FAP: variants seen among roughly 807,000 people sequenced by gnomAD.
The protein encoded by FAP is prolyl endopeptidase FAP.
FAP carries 110 observed loss-of-function variants against 126.5 expected under a neutral mutation model. The ratio of observed to expected loss-of-function variants is 0.87; its 90% CI spans 0.74 to 1.02. The LOEUF (loss-of-function observed/expected upper bound fraction) is 1.02. Ranked by LOEUF, FAP falls within the 50% of genes least tolerant of loss-of-function variation. The pLI, the probability that FAP is intolerant of heterozygous loss-of-function variation, is 0.00. For synonymous variants in FAP, 334 were observed against 297.3 expected, an observed-to-expected ratio of 1.12 and a Z score of -1.27; for missense variants, 919 against 909.2, an observed-to-expected ratio of 1.01 and a Z score of -0.14.
chr2:162,194,680 A>G (rs367779410), intron 17 of FAP, 21 bp downstream of exon 17: 4 of 1,611,088 alleles, frequency 2.5e-6, no homozygotes, highest in African/African-American at 1.3e-5. Context: ...GACAAGATAG[A>G]TAACATGCAA....
At chr2:162,236,054 T>C (rs78993290) in intron 2 of FAP, among the ~76,000 whole-genome samples, 5,583 of 152,324 alleles carry the variant, frequency 0.037, 348 homozygotes, top group African/African-American at 0.13. Context: ...TTTTTCTGTG[T>C]CTATTATGAC....
At chr2:162,198,567 T>G in intron 16 of FAP, 190 bp downstream of exon 16, 1 of 817,742 alleles carries the variant, frequency 1.2e-6, no homozygotes, top group Non-Finnish European at 1.8e-6. Context: ...CTCTGTTTCC[T>G]CAGTTGCAAA....
chr2:162,238,691 C>T (rs1690232986), intron 2 of FAP, among the ~76,000 whole-genome samples: 1 of 152,124 alleles, frequency 6.6e-6, no homozygotes, highest in Non-Finnish European at 1.5e-5. Context: ...GTTTCATAGA[C>T]TGAATGTTAG....
intron 21 of FAP, among the ~76,000 whole-genome samples, chr2:162,179,719 G>A (rs1177444891): frequency 4.6e-5 from 7 of 151,548 alleles, no homozygotes; most frequent in East Asian, 3.9e-4. Context: ...TTGCAGATGC[G>A]AGAAATAGCA....
chr2:162,174,991 G>C, intron 21 of FAP, 25 bp from the exon 22 acceptor site: 1 of 1,515,944 alleles, frequency 6.6e-7, no homozygotes, highest in Non-Finnish European at 9.2e-7. Context: ...TTATGAGTCA[G>C]ACTCAGATTT....
chr2:162,188,460 T>C, intron 19 of FAP, 97 bp from the exon 20 acceptor site: 5 of 1,022,352 alleles, frequency 4.9e-6, no homozygotes, highest in Non-Finnish European at 7.2e-6. Flanking sequence ...TCCAGTACAA[T>C]TATGTGATAA....
intron 17 of FAP, among the ~76,000 whole-genome samples, chr2:162,190,877 T>G (rs1268749072): frequency 6.6e-6 from 1 of 152,130 alleles, no homozygotes; most frequent in Non-Finnish European, 1.5e-5. Context: ...GGCATTTTGC[T>G]CCAACATGTT....
intron 25 of FAP, chr2:162,172,372 C>A: frequency 6.3e-6 from 1 of 159,370 alleles, no homozygotes; most frequent in Non-Finnish European, 1.4e-5. Flanking sequence ...GAAAAGTTCT[C>A]TAACCACAAA....
At chr2:162,180,553 C>CAA (rs1457323223) in intron 21 of FAP, among the ~76,000 whole-genome samples, 2 of 152,106 alleles carry the variant, frequency 1.3e-5, no homozygotes, top group African/African-American at 4.8e-5. Context: ...TGGAGAAACT[C>CAA]AAACTAAGGC....
chr2:162,223,533 C>A, intron 6 of FAP, 75 bp downstream of exon 6: 1 of 958,198 alleles, frequency 1.0e-6, no homozygotes. Context: ...GTCTTCTTAA[C>A]CCCAAATCAT....
intron 1 of FAP, 61 bp downstream of exon 1, chr2:162,243,261 G>T: frequency 1.6e-6 from 2 of 1,277,122 alleles, no homozygotes; most frequent in South Asian, 1.3e-5. Context: ...AGAAAACTCT[G>T]ATCACGTTCA....
intron 25 of FAP, 100 bp downstream of exon 25, chr2:162,172,711 T>C: frequency 5.3e-6 from 4 of 759,106 alleles, no homozygotes; most frequent in Non-Finnish European, 9.0e-6. Context: ...AGCCTCTTTG[T>C]CAGATTTTAC....
chr2:162,217,603 T>C (rs1689202914), intron 9 of FAP, among the ~76,000 whole-genome samples: 1 of 152,164 alleles, frequency 6.6e-6, no homozygotes, highest in African/African-American at 2.4e-5. Flanking sequence ...GAACATCAAA[T>C]TCAGCATTTG....
intron 21 of FAP, among the ~76,000 whole-genome samples, chr2:162,181,262 G>A (rs928842000): frequency 6.6e-6 from 1 of 151,972 alleles, no homozygotes; most frequent in Non-Finnish European, 1.5e-5. Context: ...GGGCAACAGA[G>A]AGCAATTCTG....
intron 2 of FAP, among the ~76,000 whole-genome samples, chr2:162,227,331 C>A (rs1576192000): frequency 6.6e-6 from 1 of 152,020 alleles, no homozygotes; most frequent in Non-Finnish European, 1.5e-5. Flanking sequence ...GCTCACAAAC[C>A]ACAAACAAAT....
In FAP at chr2:162,211,386, C is replaced by T. The variant is rs188497221; in HGVS notation, c.1003-1390G>A. ...TGCAATAAATTTCTACTGTATTAACCCACTGAATTATTGGAGGTTTTTATG... is the reference window on the plus strand; with the variant it reads ...TGCAATAAATTTCTACTGTATTAACTCACTGAATTATTGGAGGTTTTTATG... On this transcript the variant is annotated intron_variant, in intron 11 of 25. Transcript: ENST00000188790. Among the ~76,000 whole-genome samples the T allele has an allele frequency of 4.6e-3, 704 of 152,224 alleles. 7 individuals are homozygous for T. Among genetic ancestry groups the T allele is most frequent in the Non-Finnish European group, 7.0e-3 (477 of 68,008 alleles).
chr2:162,182,888 T>G (rs1687741370), intron 21 of FAP, among the ~76,000 whole-genome samples: 2 of 152,300 alleles, frequency 1.3e-5, no homozygotes, highest in South Asian at 2.1e-4. Flanking sequence ...ATTAGGAAAC[T>G]AAATAGTACT....
rs570261931 is a variant in FAP at position 162,197,855 on chromosome 2, C to T, written c.1402+902G>A. 8.3e-5 allele frequency: 28 copies of T among 337,078 alleles called. 1 individual carries two copies. The highest frequency in any genetic ancestry group is 6.7e-4 in the South Asian group (28 of 41,942). 20.9% of individuals were successfully genotyped at this position (337,078 alleles called of 1,614,324 possible). A position where few individuals can be genotyped will look rare whatever the true frequency, so the allele number is the denominator to read the frequency against. On this transcript the variant is annotated intron_variant, in intron 16 of 25. Transcript: ENST00000188790. ...AGCATACATTTTGTAATACCTTTTT[C>T]CAAGTACTCTAACTCTCAGCCCCAA...
chr2:162,220,090 T>C (rs1020004786), intron 6 of FAP, among the ~76,000 whole-genome samples, 165 bp from the exon 7 acceptor site: 4 of 152,136 alleles, frequency 2.6e-5, no homozygotes, highest in African/African-American at 7.2e-5. Context: ...ACTGGAGACA[T>C]AGGTGTTGAT....
Sources: allele counts gnomAD v4.1 joint callset (sites outside exome capture counted in the v4.1 genomes callset), GRCh38; gene constraint gnomAD v4.1.1; transcripts MANE v1.5; gene names NCBI Gene and HGNC (gene_info 2026-07-23, HGNC 2026-07-21).